Variants in TLN2 observed in about 807,000 individuals in gnomAD.
TLN2 encodes talin 2.
Under a neutral mutation model 294.7 loss-of-function variants are expected in TLN2, and 118 were observed. That is an observed-to-expected ratio of 0.40 (90% CI 0.34 to 0.47). TLN2 has a LOEUF of 0.47. TLN2 is among the 20% of genes least tolerant of loss of function. The probability of loss-of-function intolerance (pLI) is 0.84; values close to 1 mark genes in which losing one functional copy is unlikely to be tolerated. For missense variants in TLN2, 3,083 were observed against 3,282.2 expected (o/e 0.94, Z 1.48); for synonymous variants, 1,431 against 1,304.5 (o/e 1.10, Z -2.09).
intron 45 of TLN2, among the ~76,000 whole-genome samples, chr15:62,785,227 C>T (rs1011500210): frequency 1.3e-5 from 2 of 152,148 alleles, no homozygotes; most frequent in Non-Finnish European, 2.9e-5. Flanking sequence ...ATTCTTTACA[C>T]AGGCCTATCA....
At chr15:62,718,735 G>A (rs570601810) in intron 24 of TLN2, among the ~76,000 whole-genome samples, 1 of 152,332 alleles carries the variant, frequency 6.6e-6, no homozygotes, top group South Asian at 2.1e-4. Flanking sequence ...CAGCTCAGCT[G>A]CTAGCAGGGG....
At chr15:62,818,821 C>T (rs1457193461) in intron 52 of TLN2, among the ~76,000 whole-genome samples, 1 of 148,416 alleles carries the variant, frequency 6.7e-6, no homozygotes, top group African/African-American at 2.5e-5. Context: ...TGCCTTTACT[C>T]AGCATGTTCT....
chr15:62,416,346 T>C (rs950816194), intron 1 of TLN2, among the ~76,000 whole-genome samples: 6 of 152,134 alleles, frequency 3.9e-5, no homozygotes, highest in African/African-American at 1.4e-4. Flanking sequence ...CCCTCTTCAG[T>C]CCAGAAAACC....
At chr15:62,741,748 C>CGCGTGCGCGTGT in intron 32 of TLN2, among the ~76,000 whole-genome samples, 1 of 131,072 alleles carries the variant, frequency 7.6e-6, no homozygotes, top group East Asian at 2.4e-4. Context: ...AAAATTTGCG[C>CGCGTGCGCGTGT]GTGTGTGTGT....
chr15:62,526,762 G>T (rs1191104729), intron 1 of TLN2, among the ~76,000 whole-genome samples: 8 of 152,192 alleles, frequency 5.3e-5, no homozygotes, highest in African/African-American at 1.9e-4. Context: ...CCATTTGGAA[G>T]TTGGGAAATA....
At chr15:62,645,078 C>T (rs2140927055) in intron 3 of TLN2, 1 of 159,102 alleles carries the variant, frequency 6.3e-6, no homozygotes, top group East Asian at 1.8e-4. Context: ...TTGCCAGCCC[C>T]AGGAGACAGA....
intron 27 of TLN2, 131 bp from the exon 28 acceptor site, chr15:62,726,956 C>A: frequency 1.1e-6 from 1 of 891,528 alleles, no homozygotes; most frequent in Non-Finnish European, 1.7e-6. Flanking sequence ...CACCCTGCTG[C>A]GGCTTAGTGC....
In TLN2 at chr15:62,647,300, C is replaced by A; in HGVS notation, c.-11C>A. 1.9e-6 allele frequency: 3 copies of A among 1,613,700 alleles called. No homozygotes were observed. The highest frequency in any genetic ancestry group is 1.3e-5 in the African/African-American group (1 of 74,996). On this transcript the variant is annotated 5_prime_UTR_variant, in exon 4 of 59. Transcript: ENST00000636159. ...ACATTCTAAGTGAGACTGTCCACAT[C>A]ATCTAGGAAAATGGTGGCCCTGTCC...
intron 27 of TLN2, 113 bp downstream of exon 27, chr15:62,725,217 C>T: frequency 7.0e-7 from 1 of 1,423,046 alleles, no homozygotes; most frequent in Non-Finnish European, 9.2e-7. Flanking sequence ...GCTTCTAATC[C>T]TGTGGTCTTT....
At chr15:62,801,480 C>G (rs1442819702) in intron 50 of TLN2, among the ~76,000 whole-genome samples, 3 of 152,162 alleles carry the variant, frequency 2.0e-5, no homozygotes, top group Non-Finnish European at 4.4e-5. Flanking sequence ...ATCACAGATT[C>G]AACTTTTTTG....
At chr15:62,399,661 TTTAAGG>T (rs1335561859) in intron 1 of TLN2, among the ~76,000 whole-genome samples, 2 of 152,220 alleles carry the variant, frequency 1.3e-5, no homozygotes. Flanking sequence ...ATTTTGGAAC[TTTAAGG>T]TTAAATGACT....
At chr15:62,656,125 T>C (rs749215475) in intron 8 of TLN2, 39 bp downstream of exon 8, 1 of 1,604,256 alleles carries the variant, frequency 6.2e-7, no homozygotes, top group Non-Finnish European at 8.5e-7. Flanking sequence ...GTTGGTGAGA[T>C]TGCAGGAAGC....
chr15:62,637,007 C>T (rs11071678), intron 3 of TLN2, among the ~76,000 whole-genome samples: 87,903 of 151,924 alleles, frequency 0.58, 25,744 homozygotes, highest in Middle Eastern at 0.7. Context: ...GTATCCATCA[C>T]AGTGGTGTGT....
intron 1 of TLN2, among the ~76,000 whole-genome samples, chr15:62,542,687 T>C (rs1051345649): frequency 6.6e-6 from 1 of 152,112 alleles, no homozygotes; most frequent in African/African-American, 2.4e-5. Context: ...TATGGTTCAA[T>C]CCAGGGATTC....
intron 1 of TLN2, among the ~76,000 whole-genome samples, chr15:62,567,624 C>T (rs2043516364): frequency 6.7e-6 from 1 of 150,324 alleles, no homozygotes; most frequent in African/African-American, 2.4e-5. Context: ...CACTTGAGGG[C>T]AGGAGTTTGA....
chr15:62,836,729 A>C (rs2069663463), intron 57 of TLN2, among the ~76,000 whole-genome samples: 1 of 152,232 alleles, frequency 6.6e-6, no homozygotes, highest in Non-Finnish European at 1.5e-5. Flanking sequence ...ATACAATAAA[A>C]GAAATGCTTA....
chr15:62,656,530 C>A (rs1271343564), intron 8 of TLN2, among the ~76,000 whole-genome samples: 1 of 152,176 alleles, frequency 6.6e-6, no homozygotes, highest in East Asian at 1.9e-4. Flanking sequence ...TTAAAACTGA[C>A]AAGTCATTTA....
chr15:62,472,983 C>G (rs1435069), intron 1 of TLN2, among the ~76,000 whole-genome samples: 282 of 152,256 alleles, frequency 1.9e-3, no homozygotes, highest in East Asian at 1.9e-3. Context: ...GTCAAAGGTG[C>G]CTTAATGAGA....
chr15:62,573,065 T>C (rs2044041181), intron 1 of TLN2, among the ~76,000 whole-genome samples: 1 of 152,226 alleles, frequency 6.6e-6, no homozygotes, highest in African/African-American at 2.4e-5. Flanking sequence ...GCCCCCAAGC[T>C]GACCCTTACC....
Sources: gnomAD v4.1 joint callset for allele counts (sites outside exome capture counted in the v4.1 genomes callset) on GRCh38, gnomAD v4.1.1 for gene constraint, MANE v1.5 for transcripts, NCBI Gene and HGNC (gene_info 2026-07-23, HGNC 2026-07-21) for gene names.